The following AZI2 variants were observed in gnomAD, a reference collection of about 807,000 sequenced individuals.
AZI2 encodes the protein 5-azacytidine induced 2, also known as 5-azacytidine-induced protein 2.
AZI2 carries 22 observed loss-of-function variants against 45.8 expected under a neutral mutation model. The observed-to-expected ratio is 0.48, with a 90% CI of 0.34 to 0.69. AZI2 has a LOEUF of 0.69. Ranked by LOEUF, AZI2 falls within the 30% of genes least tolerant of loss-of-function variation. The pLI is 0.01. For synonymous variants in AZI2, 137 were observed against 156.7 expected (o/e 0.87, Z 0.94); for missense variants, 417 against 441.5 (o/e 0.94, Z 0.50).
At chr3:28,333,398 G>T (rs1703661434) in intron 5 of AZI2, among the ~76,000 whole-genome samples, 1 of 151,610 alleles carries the variant, frequency 6.6e-6, no homozygotes. Flanking sequence ...GGTCCAGGAG[G>T]TTTGACCACT....
At chr3:28,343,662 T>C (rs1250779409) in intron 1 of AZI2, among the ~76,000 whole-genome samples, 1 of 151,982 alleles carries the variant, frequency 6.6e-6, no homozygotes, top group Non-Finnish European at 1.5e-5. Context: ...ATCTCACAGA[T>C]GAGAAAACTG....
At chr3:28,327,753 T>C (rs1267950077) in intron 6 of AZI2, among the ~76,000 whole-genome samples, 1 of 150,984 alleles carries the variant, frequency 6.6e-6, no homozygotes, top group Non-Finnish European at 1.5e-5. Flanking sequence ...TTTTTGCTGC[T>C]TAATTGCCAA....
rs374934599 is a variant in AZI2, at chr3:28,324,305, C to G, written c.916G>C (p.Asp306His). The part of the protein sequence containing the change: ...CHTTSSPLPG[D>H]VKVLSEKAIL... ...GCTTTCTCTGATAAAACCTTTACAT[C>G]TCCTGGTAAAGGGGAAGATGTGGTA... Residue 306 changes from aspartate (D) to histidine (H), a missense_variant, in exon 8 of 8, where the codon GAT (aspartate) becomes CAT (histidine). By Grantham distance (81) the Asp-to-His change is moderately conservative (BLOSUM62 -1). Coordinates refer to ENST00000479665, the MANE Select transcript of AZI2 (RefSeq NM_022461.5). 1.2e-6 allele frequency: 2 copies of G among 1,607,208 alleles called. No individual in the cohort carries two copies. The highest frequency in any genetic ancestry group is 1.7e-6 in the Non-Finnish European group (2 of 1,175,534).
At chr3:28,331,387 T>G (rs555407201) in intron 6 of AZI2, among the ~76,000 whole-genome samples, 1 of 151,520 alleles carries the variant, frequency 6.6e-6, no homozygotes, top group Non-Finnish European at 1.5e-5. Flanking sequence ...AAAAGTTTCC[T>G]TGCAGTAAAC....
Position 28,322,010 on chromosome 3 carries a change from C to T in AZI2, c.*2032G>A, listed in dbSNP as rs1703202329. On this transcript the variant is annotated 3_prime_UTR_variant, in exon 8 of 8. Transcript: ENST00000479665. The stretch of plus-strand genomic sequence containing the variant: ...TAAAATATTCAATTTTAAATAGATT[C>T]ATAAGCTACAGATGGGCCACTGTTT... The T allele has an allele frequency of 2.0e-5, 3 of 151,288 alleles. No individual in the cohort carries two copies. The highest frequency in any genetic ancestry group is 7.3e-5 in the African/African-American group (3 of 41,326). 9.4% of individuals were successfully genotyped at this position (151,288 alleles called of 1,614,324 possible). A position where few individuals can be genotyped will look rare whatever the true frequency, so the allele number is the denominator to read the frequency against.
chr3:28,337,786 G>A (rs1463915984), intron 4 of AZI2, 151 bp downstream of exon 4: 3 of 440,958 alleles, frequency 6.8e-6, no homozygotes, highest in Non-Finnish European at 1.2e-5. Flanking sequence ...TTGATATTAT[G>A]TGAAGGTAGA....
rs1008923311 is a variant in AZI2, at chr3:28,323,865, T to C, written c.*177A>G. 6.7e-6 allele frequency: 4 copies of C among 593,266 alleles called. No homozygotes were observed. The African/African-American group carries it at 7.5e-5, about 11-fold the overall frequency. 36.8% of individuals were successfully genotyped at this position (593,266 alleles called of 1,614,324 possible). On this transcript the variant is annotated 3_prime_UTR_variant, in exon 8 of 8. Transcript: ENST00000479665. ...TATGGAGCTAGAGGGTGCTCTTTCA[T>C]ACTAGAAAACCAACTATGTTGGTTT... is the stretch of plus-strand genomic sequence containing the variant.
intron 3 of AZI2, 124 bp downstream of exon 3, chr3:28,338,369 T>C: frequency 9.1e-7 from 1 of 1,098,486 alleles, no homozygotes; most frequent in Non-Finnish European, 1.2e-6. Flanking sequence ...CCATTTTGCC[T>C]TGAACATGTA....
chr3:28,338,547 T>C lies in AZI2; in HGVS notation c.285A>G (p.Ala95=). 2 of 1,607,128 alleles carry C rather than the reference T, an allele frequency of 1.2e-6. No homozygotes were observed. The highest frequency in any genetic ancestry group is 1.3e-5 in the African/African-American group (1 of 74,972). Residue 95 remains alanine, a synonymous_variant, in exon 3 of 8, where the codon GCA becomes GCG. Coordinates refer to ENST00000479665, the MANE Select transcript of AZI2 (RefSeq NM_022461.5). ...CTCTATCAATGCAAACCTCTCGATA[T>C]GCATGATAGGCCTTATTTACTTGTT... The part of the protein sequence containing the change: ...GREQVNKAYH[A]YREVCIDRDN...
chr3:28,324,183 G>A lies in AZI2; in HGVS notation c.1038C>T (p.Asp346=), dbSNP rs1416094164. The A allele has an allele frequency of 6.2e-6, 10 of 1,610,578 alleles. No homozygotes were observed. The highest frequency in any genetic ancestry group is 7.6e-6 in the Non-Finnish European group (9 of 1,177,640). ...GAGGACTTGGAAATACCCAGGAATT[G>A]TCTTCCAGAGAATTTCTGCCATAAG... The part of the protein sequence containing the change: ...HSSYGRNSLE[D]NSWVFPSPPK... The change falls in exon 8 of 8, where the codon GAC becomes GAT. Residue 346 remains aspartate, a synonymous_variant. Coordinates refer to ENST00000479665, the MANE Select transcript of AZI2 (RefSeq NM_022461.5).
chr3:28,341,480 T>C (rs1017437199), intron 1 of AZI2: 1 of 152,060 alleles, frequency 6.6e-6, no homozygotes, highest in African/African-American at 2.4e-5. Context: ...AATCAAACTC[T>C]GACTCCAAAA....
At chr3:28,340,666 A>G (rs745575186) in intron 1 of AZI2, 44 bp from the exon 2 acceptor site, 14 of 1,441,520 alleles carry the variant, frequency 9.7e-6, no homozygotes, top group Non-Finnish European at 1.3e-5. Context: ...GTCTCACTGA[A>G]TAAGTGAAAA....
rs191136488 is a variant in AZI2 at position 28,321,836 on chromosome 3, G to C, written c.*2206C>G. 35 of 151,420 alleles carry C rather than the reference G, an allele frequency of 2.3e-4. No homozygotes were observed. In the East Asian group the frequency reaches 6.4e-3, roughly 28 times the overall value. The allele number at this position is 151,420 out of a possible 1,614,324, so 9.4% of individuals were successfully genotyped here. A position where few individuals can be genotyped will look rare whatever the true frequency, so the allele number is the denominator to read the frequency against. On this transcript the variant is annotated 3_prime_UTR_variant, in exon 8 of 8. Coordinates refer to ENST00000479665, the MANE Select transcript of AZI2 (RefSeq NM_022461.5). The stretch of plus-strand genomic sequence containing the variant: ...AAATTTTACTTTAGCTAATAAGGGA[G>C]CAAGAGGAAGGAATAGGTGGCTTTT...
chr3:28,344,946 A>G (rs940471690), intron 1 of AZI2, among the ~76,000 whole-genome samples: 2 of 152,136 alleles, frequency 1.3e-5, no homozygotes, highest in Non-Finnish European at 2.9e-5. Flanking sequence ...GACTTCTCTC[A>G]GTGATGAAAA....
At chr3:28,332,484 G>T in intron 5 of AZI2, 57 bp from the exon 6 acceptor site, 2 of 1,413,630 alleles carry the variant, frequency 1.4e-6, no homozygotes, top group Non-Finnish European at 9.9e-7. Context: ...AATTTATTTA[G>T]TCTCAGCTCT....
intron 6 of AZI2, chr3:28,331,765 T>C (rs889888703): frequency 3.4e-6 from 5 of 1,478,948 alleles, no homozygotes; most frequent in Non-Finnish European, 4.5e-6. Flanking sequence ...ACAACAATTA[T>C]TAGATAGCTT....
At position 28,338,533 on chromosome 3, in the gene AZI2, C is replaced by A; in HGVS notation, c.299G>T (p.Cys100Phe). 1.2e-6 allele frequency: 2 copies of A among 1,601,988 alleles called. No homozygotes were observed. The highest frequency in any genetic ancestry group is 1.1e-5 in the South Asian group (1 of 89,354). ...GCTCTTCAAATTATCTCTATCAATG[C>A]AAACCTCTCGATATGCATGATAGGC... The part of the protein sequence containing the change: ...NKAYHAYREV[C>F]IDRDNLKSKL... The change falls in exon 3 of 8, where the codon TGC (cysteine) becomes TTC (phenylalanine). Residue 100 changes from cysteine (C) to phenylalanine (F), a missense_variant. By Grantham distance (205) the Cys-to-Phe change is radical. Coordinates refer to ENST00000479665, the MANE Select transcript of AZI2 (RefSeq NM_022461.5).
intron 5 of AZI2, among the ~76,000 whole-genome samples, chr3:28,334,981 A>G (rs1025989507): frequency 3.3e-5 from 5 of 152,030 alleles, no homozygotes; most frequent in Non-Finnish European, 7.4e-5. Flanking sequence ...ATTTATATTC[A>G]GAACAGTTGA....
intron 6 of AZI2, chr3:28,331,942 ACAGATACTC>A (rs1703593457): frequency 3.9e-6 from 6 of 1,538,560 alleles, no homozygotes; most frequent in Non-Finnish European, 5.3e-6. Context: ...AGGCTGTGCT[ACAGATACTC>A]TGTCTCAAAA....
Sources: gnomAD v4.1 joint callset for allele counts (sites outside exome capture counted in the v4.1 genomes callset) on GRCh38, gnomAD v4.1.1 for gene constraint, MANE v1.5 for transcripts, NCBI Gene and HGNC (gene_info 2026-07-23, HGNC 2026-07-21) for gene names.